Variants in CNIH3 observed in about 807,000 individuals in gnomAD.
CNIH3 encodes the protein protein cornichon homolog 3.
A neutral mutation model predicts 24.1 loss-of-function variants in CNIH3; 14 were observed. That is an observed-to-expected ratio of 0.58 (90% CI 0.38 to 0.91). CNIH3 has a LOEUF of 0.91. CNIH3 is among the 40% of genes least tolerant of loss of function. The pLI is 0.00. For synonymous variants in CNIH3, 68 were observed against 73.8 expected (o/e 0.92, Z 0.40); for missense variants, 178 against 196.8 (o/e 0.90, Z 0.57).
At chr1:224,735,391 G>A (rs1398503994) in intron 5 of CNIH3, among the ~76,000 whole-genome samples, 32 of 152,076 alleles carry the variant, frequency 2.1e-4, no homozygotes, top group Non-Finnish European at 2.9e-5. Flanking sequence ...TGCCTTTTCC[G>A]CAAATGTCTC....
At chr1:224,591,151 A>G (rs137995022), downstream of CNIH3, among the ~76,000 whole-genome samples, 182 of 152,338 alleles carry the variant, frequency 1.2e-3, no homozygotes, top group African/African-American at 4.2e-3. Flanking sequence ...TGAAAACAAC[A>G]TGCACATTGA....
intron 1 of CNIH3, among the ~76,000 whole-genome samples, chr1:224,478,285 C>CTAG (rs1676664224): frequency 5.9e-5 from 9 of 152,210 alleles, no homozygotes; most frequent in Admixed American, 5.2e-4. Context: ...TCTTTAAGGC[C>CTAG]AATAACTCTT....
rs77594819 is a variant in CNIH3, at chr1:224,730,363, T to C, written c.199-99T>C. ...GCAGGGAGGGCCTTTGTGTCAACCG[T>C]CTGTGAGAGGCAGTGTCCAGGCAGA... On this transcript the variant is annotated intron_variant, in intron 3 of 5. Transcript: ENST00000272133. The C allele has an allele frequency of 6.8e-3, 5,013 of 733,200 alleles. 49 individuals carry two copies. The highest frequency in any genetic ancestry group is 0.028 in the South Asian group (1,646 of 59,278). The allele number at this position is 733,200 out of a possible 1,614,324, so 45.4% of individuals were successfully genotyped here. A position where few individuals can be genotyped will look rare whatever the true frequency, so the allele number is the denominator to read the frequency against.
downstream of CNIH3, among the ~76,000 whole-genome samples, chr1:224,541,342 A>C (rs1264256182): frequency 1.3e-5 from 2 of 152,022 alleles, no homozygotes; most frequent in Admixed American, 6.6e-5. Flanking sequence ...CTTTTTCCTC[A>C]TATGGTTGTA....
chr1:224,685,043 G>C (rs1248339345), intron 3 of CNIH3, among the ~76,000 whole-genome samples, 200 bp downstream of exon 3: 2 of 152,168 alleles, frequency 1.3e-5, no homozygotes, highest in Non-Finnish European at 2.9e-5. Context: ...TAAAGGAGGT[G>C]GCCATCAATC....
intron 3 of CNIH3, among the ~76,000 whole-genome samples, chr1:224,711,130 G>A (rs970915764): frequency 4.6e-5 from 7 of 152,138 alleles, no homozygotes; most frequent in African/African-American, 7.2e-5. Flanking sequence ...TAAATTAAAC[G>A]CGATCCGAGG....
At chr1:224,727,239 G>C (rs918224970) in intron 3 of CNIH3, among the ~76,000 whole-genome samples, 1 of 152,200 alleles carries the variant, frequency 6.6e-6, no homozygotes, top group African/African-American at 2.4e-5. Flanking sequence ...GGGGCTTGCT[G>C]ATGGTATCAT....
At chr1:224,510,119 C>A (rs899049416) in intron 1 of CNIH3, among the ~76,000 whole-genome samples, 5 of 152,138 alleles carry the variant, frequency 3.3e-5, no homozygotes, top group African/African-American at 1.2e-4. Context: ...AACTTGATAA[C>A]TGAACTCTGG....
intron 1 of CNIH3, among the ~76,000 whole-genome samples, chr1:224,475,172 T>C (rs1050035315): frequency 3.4e-5 from 5 of 147,800 alleles, no homozygotes; most frequent in African/African-American, 1.0e-4. Context: ...CTGGCTAACA[T>C]GGTGAAACCC....
chr1:224,599,074 T>C (rs989872008), intron 3 of CNIH3, among the ~76,000 whole-genome samples: 35 of 152,360 alleles, frequency 2.3e-4, no homozygotes, highest in Admixed American at 2.2e-3. Context: ...TAGACATTAT[T>C]ATTTTATTGG....
intron 1 of CNIH3, among the ~76,000 whole-genome samples, chr1:224,635,027 G>A (rs1208215182): frequency 6.6e-6 from 1 of 152,210 alleles, no homozygotes; most frequent in Non-Finnish European, 1.5e-5. Context: ...AACTACCTGA[G>A]ACTGGGTAAT....
chr1:224,507,703 T>C (rs1478387645), intron 1 of CNIH3, among the ~76,000 whole-genome samples: 1 of 152,210 alleles, frequency 6.6e-6, no homozygotes, highest in African/African-American at 2.4e-5. Flanking sequence ...TGTCCTGTAG[T>C]TGGATTCTTG....
At chr1:224,494,006 A>G (rs1677336218) in intron 1 of CNIH3, among the ~76,000 whole-genome samples, 1 of 152,230 alleles carries the variant, frequency 6.6e-6, no homozygotes, top group African/African-American at 2.4e-5. Flanking sequence ...AGAAAGGACA[A>G]TGGAAGATCA....
At chr1:224,714,750 T>G (rs574920950) in intron 3 of CNIH3, among the ~76,000 whole-genome samples, 3 of 152,308 alleles carry the variant, frequency 2.0e-5, no homozygotes, top group South Asian at 2.1e-4. Context: ...ATCCACCAGT[T>G]GATTAAGTCA....
chr1:224,603,868 G>T (rs759427745), intron 3 of CNIH3, among the ~76,000 whole-genome samples: 1 of 152,098 alleles, frequency 6.6e-6, no homozygotes, highest in Non-Finnish European at 1.5e-5. Flanking sequence ...ATCTTTAATG[G>T]AACATTAATA....
In CNIH3 at chr1:224,651,518, C is replaced by A. The variant is rs185355245; in HGVS notation, c.82-29440C>A. On this transcript the variant is annotated intron_variant, in intron 1 of 5. Coordinates refer to ENST00000272133, the MANE Select transcript of CNIH3 (RefSeq NM_152495.2). ...TTCTCAGGGTTGCCGGTGTTAGCAA[C>A]CTGGTGTATATCCTTCATTTGTTTC... Among the ~76,000 whole-genome samples, 13 of 152,328 alleles carry A rather than the reference C, an allele frequency of 8.5e-5. No homozygotes were observed. The East Asian group carries it at 2.1e-3, about 25-fold the overall frequency.
chr1:224,455,542 G>A (rs1675612781), intron 1 of CNIH3, among the ~76,000 whole-genome samples: 2 of 152,200 alleles, frequency 1.3e-5, no homozygotes, highest in Admixed American at 6.5e-5. Flanking sequence ...TCACCAAACA[G>A]TGAGTTCAGT....
chr1:224,437,252 G>C (rs1260484061), intron 1 of CNIH3, among the ~76,000 whole-genome samples: 1 of 152,162 alleles, frequency 6.6e-6, no homozygotes, highest in Non-Finnish European at 1.5e-5. Flanking sequence ...AAGAAATCAA[G>C]TGTGTATTTT....
chr1:224,617,802 A>G (rs915605714), intron 1 of CNIH3, among the ~76,000 whole-genome samples: 2 of 152,050 alleles, frequency 1.3e-5, no homozygotes, highest in Admixed American at 6.5e-5. Context: ...GGTGGGGGAA[A>G]GGCGAGAAGG....
Sources: allele counts gnomAD v4.1 joint callset (sites outside exome capture counted in the v4.1 genomes callset), GRCh38; gene constraint gnomAD v4.1.1; transcripts MANE v1.5; gene names NCBI Gene and HGNC (gene_info 2026-07-23, HGNC 2026-07-21).